EPHA6: variants seen among roughly 807,000 people sequenced by gnomAD.
The protein encoded by EPHA6 is ephrin type-A receptor 6.
A neutral mutation model predicts 112.0 loss-of-function variants in EPHA6; 50 were observed. The ratio of observed to expected loss-of-function variants is 0.45; its 90% CI spans 0.36 to 0.56. The LOEUF is 0.56. EPHA6 is among the 20% of genes least tolerant of loss of function. The probability of loss-of-function intolerance (pLI) is 0.00; values close to 1 mark genes in which losing one functional copy is unlikely to be tolerated. For synonymous variants in EPHA6, 529 were observed against 490.7 expected (o/e 1.08, Z -1.03); for missense variants, 1,280 against 1,417.4 (o/e 0.90, Z 1.56).
chr3:97,483,956 T>G lies in EPHA6; in HGVS notation c.2097T>G (p.Thr699=), dbSNP rs567719342. ...CAGTGCGCTTCCCGGGAATTAAAAC[T>G]TACATTGATCCAGATACATATGAAG... ...NGHLRFPGIK[T]YIDPDTYEDP... The change falls in exon 10 of 18, where the codon ACT becomes ACG. Residue 699 remains threonine (T), a synonymous_variant. Coordinates refer to ENST00000389672, the MANE Select transcript of EPHA6 (RefSeq NM_001080448.3). 78 of 1,601,028 alleles carry G rather than the reference T, an allele frequency of 4.9e-5. 1 individual carries two copies. In the South Asian group the frequency reaches 8.4e-4, roughly 17 times the overall value.
intron 10 of EPHA6, among the ~76,000 whole-genome samples, chr3:97,512,441 T>G (rs1202937796): frequency 1.3e-5 from 2 of 152,186 alleles, no homozygotes; most frequent in African/African-American, 4.8e-5. Flanking sequence ...AATAATTATT[T>G]GAATATTTTT....
chr3:96,921,241 G>C (rs2039745783), intron 2 of EPHA6, among the ~76,000 whole-genome samples: 1 of 152,014 alleles, frequency 6.6e-6, no homozygotes, highest in African/African-American at 2.4e-5. Context: ...AAATCAGTAA[G>C]TACTTTTTTT....
At chr3:97,535,122 A>G (rs1432413449) in intron 11 of EPHA6, among the ~76,000 whole-genome samples, 1 of 152,044 alleles carries the variant, frequency 6.6e-6, no homozygotes, top group Non-Finnish European at 1.5e-5. Flanking sequence ...TTTATCCTAC[A>G]TCAACTAAAT....
intron 16 of EPHA6, among the ~76,000 whole-genome samples, chr3:97,737,469 C>A (rs1182555310): frequency 6.6e-6 from 1 of 151,748 alleles, no homozygotes; most frequent in Admixed American, 6.6e-5. Flanking sequence ...GTAATAATAA[C>A]GTTTATTATT....
At chr3:97,083,597 G>C (rs1205337309) in intron 3 of EPHA6, among the ~76,000 whole-genome samples, 1 of 151,704 alleles carries the variant, frequency 6.6e-6, no homozygotes, top group Non-Finnish European at 1.5e-5. Flanking sequence ...ATGATTCCCA[G>C]GTCTTTTTTT....
chr3:97,613,113 T>C (rs1161629201), intron 13 of EPHA6, among the ~76,000 whole-genome samples: 1 of 152,054 alleles, frequency 6.6e-6, no homozygotes, highest in Non-Finnish European at 1.5e-5. Flanking sequence ...ACTTCCATCT[T>C]ACTCTTCTTT....
chr3:97,639,784 C>T (rs1235420356), intron 14 of EPHA6, among the ~76,000 whole-genome samples: 1 of 152,096 alleles, frequency 6.6e-6, no homozygotes, highest in Non-Finnish European at 1.5e-5. Context: ...AGGCCTAGGA[C>T]AGTGCTTTTT....
chr3:97,705,281 T>C (rs536822652), intron 14 of EPHA6, among the ~76,000 whole-genome samples: 5 of 152,140 alleles, frequency 3.3e-5, no homozygotes, highest in Non-Finnish European at 7.4e-5. Flanking sequence ...TCCCCTCCTC[T>C]CTCACACCTC....
intron 14 of EPHA6, among the ~76,000 whole-genome samples, chr3:97,702,301 T>C (rs773554401): frequency 3.7e-4 from 56 of 152,186 alleles, no homozygotes; most frequent in Non-Finnish European, 7.3e-4. Flanking sequence ...TGATTTGGTA[T>C]AAGGGAAATA....
chr3:96,941,929 G>A (rs937299798), intron 2 of EPHA6, among the ~76,000 whole-genome samples: 6 of 151,614 alleles, frequency 4.0e-5, no homozygotes, highest in South Asian at 2.1e-4. Context: ...GTAGAACAGC[G>A]GATTTTCATG....
chr3:97,077,110 T>C (rs746424939), intron 3 of EPHA6, among the ~76,000 whole-genome samples: 54 of 152,164 alleles, frequency 3.5e-4, no homozygotes, highest in Non-Finnish European at 3.5e-4. Flanking sequence ...TTTGCAAGGC[T>C]ATTGCTGCCC....
At chr3:97,311,041 T>C (rs1364157552) in intron 5 of EPHA6, among the ~76,000 whole-genome samples, 1 of 151,590 alleles carries the variant, frequency 6.6e-6, no homozygotes, top group Non-Finnish European at 1.5e-5. Context: ...GAGGTGGTAT[T>C]AGGTGCCATG....
intron 5 of EPHA6, among the ~76,000 whole-genome samples, chr3:97,245,859 A>C (rs952970647): frequency 6.6e-6 from 1 of 151,994 alleles, no homozygotes. Context: ...ACACACACAC[A>C]CACAAGCCCT....
At chr3:96,988,694 A>C (rs2043109182) in intron 3 of EPHA6, among the ~76,000 whole-genome samples, 1 of 152,118 alleles carries the variant, frequency 6.6e-6, no homozygotes, top group South Asian at 2.1e-4. Context: ...TTTTGCTATT[A>C]TTACATAGAA....
intron 7 of EPHA6, among the ~76,000 whole-genome samples, chr3:97,449,363 G>C (rs1410272546): frequency 2.0e-5 from 3 of 152,032 alleles, no homozygotes; most frequent in Non-Finnish European, 4.4e-5. Context: ...TGCTCTCTTT[G>C]TGAGAATAGT....
intron 3 of EPHA6, among the ~76,000 whole-genome samples, chr3:97,091,930 A>G (rs1304989935): frequency 2.0e-5 from 3 of 151,336 alleles, no homozygotes; most frequent in Non-Finnish European, 4.4e-5. Context: ...TGGCCTGAAC[A>G]TTTGCTTCTT....
intron 2 of EPHA6, among the ~76,000 whole-genome samples, chr3:96,939,453 T>C (rs557695852): frequency 6.6e-6 from 1 of 152,284 alleles, no homozygotes; most frequent in Admixed American, 6.5e-5. Context: ...GGTGGTAATA[T>C]CCCCTTTATC....
At chr3:97,355,969 C>T (rs2084052295) in intron 5 of EPHA6, among the ~76,000 whole-genome samples, 1 of 152,280 alleles carries the variant, frequency 6.6e-6, no homozygotes, top group South Asian at 2.1e-4. Flanking sequence ...AGGGTCAATT[C>T]AGCAAGAGGA....
intron 2 of EPHA6, among the ~76,000 whole-genome samples, chr3:96,923,048 C>T (rs896539850): frequency 2.0e-5 from 3 of 152,138 alleles, no homozygotes; most frequent in Non-Finnish European, 2.9e-5. Flanking sequence ...CATTGATGAG[C>T]ATTTAGGTTG....
Sources: gnomAD v4.1 joint callset for allele counts (sites outside exome capture counted in the v4.1 genomes callset) on GRCh38, gnomAD v4.1.1 for gene constraint, MANE v1.5 for transcripts, NCBI Gene and HGNC (gene_info 2026-07-23, HGNC 2026-07-21) for gene names.